TECTB: variants seen among roughly 807,000 people sequenced by gnomAD.
TECTB encodes the protein beta-tectorin.
Under a neutral mutation model 43.3 loss-of-function variants are expected in TECTB, and 45 were observed. The ratio of observed to expected loss-of-function variants is 1.04; its 90% CI spans 0.82 to 1.33. TECTB has a LOEUF of 1.33. Ranked by LOEUF, TECTB falls within the 40% of genes most tolerant of loss-of-function variation. The probability of loss-of-function intolerance (pLI) is 0.00; values close to 1 mark genes in which losing one functional copy is unlikely to be tolerated. For synonymous variants in TECTB, 169 were observed against 156.7 expected, an observed-to-expected ratio of 1.08 and a Z score of -0.59; for missense variants, 399 against 404.7, an observed-to-expected ratio of 0.99 and a Z score of 0.12.
rs758078348 is a variant in TECTB, at chr10:112,286,224, G to A, written c.410+11G>A. The A allele has an allele frequency of 6.8e-6, 11 of 1,614,140 alleles. No homozygotes were observed. In the East Asian group the frequency reaches 2.5e-4, roughly 36 times the overall value. ...TGCCTTTGACCAGAGGTAAGTTGCTGTGCGGCATGGAGGGCTGGCTGCCTC... is the reference window on the plus strand; with the variant it reads ...TGCCTTTGACCAGAGGTAAGTTGCTATGCGGCATGGAGGGCTGGCTGCCTC... On this transcript the variant is annotated intron_variant, in intron 4 of 10. Coordinates refer to ENST00000646139, the MANE Select transcript of TECTB (RefSeq NM_058222.3).
intron 9 of TECTB, among the ~76,000 whole-genome samples, chr10:112,300,173 A>G (rs1423716313): frequency 2.0e-5 from 3 of 150,672 alleles, no homozygotes; most frequent in East Asian, 1.9e-4. Context: ...AAAAAAAAAA[A>G]AAAGAAAGAA....
chr10:112,300,278 GA>G (rs35657665), intron 9 of TECTB, among the ~76,000 whole-genome samples: 7,611 of 29,294 alleles, frequency 0.26, 349 homozygotes, highest in East Asian at 0.39. Context: ...AAGAAAGAAA[GA>G]AAAGAAAGAA....
chr10:112,295,370 T>C (rs1848536599), intron 7 of TECTB, among the ~76,000 whole-genome samples: 1 of 152,218 alleles, frequency 6.6e-6, no homozygotes, highest in African/African-American at 2.4e-5. Flanking sequence ...TAAATGTCAT[T>C]AAACCCTCTC....
At chr10:112,303,160 T>C in intron 10 of TECTB, 103 bp from the exon 11 acceptor site, 1 of 1,368,906 alleles carries the variant, frequency 7.3e-7, no homozygotes, top group Middle Eastern at 1.8e-4. Context: ...GTCTAAAATG[T>C]GTGGAATTTT....
chr10:112,287,710 G>A (rs1310165718), intron 5 of TECTB, among the ~76,000 whole-genome samples: 2 of 152,186 alleles, frequency 1.3e-5, no homozygotes, highest in Non-Finnish European at 2.9e-5. Context: ...GGATTAGCCT[G>A]AGAGCCCACA....
At chr10:112,295,365 G>C (rs1848536529) in intron 7 of TECTB, among the ~76,000 whole-genome samples, 1 of 152,120 alleles carries the variant, frequency 6.6e-6, no homozygotes, top group Non-Finnish European at 1.5e-5. Flanking sequence ...TTATCTAAAT[G>C]TCATTAAACC....
At chr10:112,298,256 CAAT>C (rs1341053545) in intron 8 of TECTB, 25 bp downstream of exon 8, 1 of 1,602,732 alleles carries the variant, frequency 6.2e-7, no homozygotes, top group East Asian at 2.2e-5. Context: ...TCCAGAAGGA[CAAT>C]GTTACCTAAA....
In TECTB at chr10:112,294,069, C is replaced by T. The variant is rs1466122943; in HGVS notation, c.671+8C>T. ...GCAGCTGATCAACAAGGGGTAGGTA[C>T]ACTATCTAGAGACAGGGCTGAACAG... On this transcript the variant is annotated splice_region_variant and intron_variant, in intron 7 of 10. Transcript: ENST00000646139. 1 of 1,612,806 alleles carries T rather than the reference C, an allele frequency of 6.2e-7. No individual in the cohort carries two copies. Among genetic ancestry groups the T allele is most frequent in the African/African-American group, 1.3e-5 (1 of 74,886 alleles).
intron 5 of TECTB, among the ~76,000 whole-genome samples, chr10:112,290,145 ACT>A (rs1262006310): frequency 6.6e-6 from 1 of 152,134 alleles, no homozygotes; most frequent in African/African-American, 2.4e-5. Flanking sequence ...TGCACCGCTC[ACT>A]CTGTACTTCC....
In TECTB at chr10:112,297,491, T is replaced by G. The variant is rs552945917; in HGVS notation, c.672-578T>G. ...TTTTATCCCTTTGTATCAGCCTGTG[T>G]TAACATTTAGACGGTATCCTTCAGT... On this transcript the variant is annotated intron_variant, in intron 7 of 10. Coordinates refer to ENST00000646139, the MANE Select transcript of TECTB (RefSeq NM_058222.3). 5.3e-5 allele frequency among the ~76,000 whole-genome samples: 8 copies of G among 152,314 alleles called. 1 individual carries two copies. The South Asian group carries it at 1.7e-3, about 32-fold the overall frequency.
At position 112,303,264 on chromosome 10, in the gene TECTB, T is replaced by C; in HGVS notation, c.942T>C (p.Asp314=). 1.9e-6 allele frequency: 3 copies of C among 1,614,178 alleles called. No homozygotes were observed. Among genetic ancestry groups the C allele is most frequent in the Non-Finnish European group, 1.7e-6 (2 of 1,180,016 alleles). Residue 314 remains aspartate, a splice_region_variant and synonymous_variant, in exon 11 of 11, where the codon GAT becomes GAC. Coordinates refer to ENST00000646139, the MANE Select transcript of TECTB (RefSeq NM_058222.3). ...RGFSSLYSFS[D]VLHHLIMMLG... is the part of the protein sequence containing the mutation. ...TCTCCCTCCCCTTCTGGTCCACAGA[T>C]GTTCTCCACCACCTCATCATGATGT...
At chr10:112,300,235 A>G (rs1265788603) in intron 9 of TECTB, among the ~76,000 whole-genome samples, 1 of 24,496 alleles carries the variant, frequency 4.1e-5, no homozygotes, top group African/African-American at 1.4e-4. Flanking sequence ...AGAAATAAAG[A>G]AAGAAAGAAA....
At chr10:112,292,948 T>C (rs1453344050) in intron 5 of TECTB, among the ~76,000 whole-genome samples, 1 of 152,122 alleles carries the variant, frequency 6.6e-6, no homozygotes, top group African/African-American at 2.4e-5. Flanking sequence ...CCTCACTTCC[T>C]CCAAATCTTG....
chr10:112,292,833 G>A (rs1848510515), intron 5 of TECTB, among the ~76,000 whole-genome samples: 1 of 150,220 alleles, frequency 6.7e-6, no homozygotes, highest in Non-Finnish European at 1.5e-5. Flanking sequence ...TCACTTACTT[G>A]CTCCAGCCAC....
At position 112,295,331 on chromosome 10, in the gene TECTB, G is replaced by A. The variant is rs186881106; in HGVS notation, c.671+1270G>A. Among the ~76,000 whole-genome samples, 3 of 152,282 alleles carry A rather than the reference G, an allele frequency of 2.0e-5. No individual in the cohort carries two copies. In the East Asian group the frequency reaches 5.8e-4, roughly 29 times the overall value. ...TTACAATATACCAAACATTGTTCTA[G>A]ATAGGTGTTTTACAAATATTAATTT... On this transcript the variant is annotated intron_variant, in intron 7 of 10. Transcript: ENST00000646139.
At chr10:112,293,582 G>C (rs1427625068) in intron 5 of TECTB, among the ~76,000 whole-genome samples, 156 bp from the exon 6 acceptor site, 1 of 152,122 alleles carries the variant, frequency 6.6e-6, no homozygotes, top group African/African-American at 2.4e-5. Flanking sequence ...TTAAGACTTA[G>C]AATTTCTCTG....
chr10:112,292,135 CAAAA>C (rs1218997579), intron 5 of TECTB, among the ~76,000 whole-genome samples: 1 of 109,934 alleles, frequency 9.1e-6, no homozygotes. Flanking sequence ...GACTCCATCT[CAAAA>C]AAAAAAAAAA....
Position 112,283,516 on chromosome 10 carries a change from C to T in TECTB, c.-88+20C>T. The T allele has an allele frequency of 3.7e-6, 2 of 535,836 alleles. No homozygotes were observed. Among genetic ancestry groups the T allele is most frequent in the African/African-American group, 1.9e-5 (1 of 51,646 alleles). The allele number at this position is 535,836 out of a possible 1,614,324, so 33.2% of individuals were successfully genotyped here. On this transcript the variant is annotated intron_variant, in intron 1 of 10. Transcript: ENST00000646139. ...CCAACGGTATGAGCCCCACTTTTTG[C>T]CTCTCAGCGCTAACAGGAAACAATT...
intron 5 of TECTB, among the ~76,000 whole-genome samples, chr10:112,290,172 T>A (rs1848486180): frequency 6.6e-6 from 1 of 152,196 alleles, no homozygotes; most frequent in South Asian, 2.1e-4. Flanking sequence ...ATATAAATCA[T>A]CCCCTTGTCC....
Sources: gnomAD v4.1 joint callset for allele counts (sites outside exome capture counted in the v4.1 genomes callset) on GRCh38, gnomAD v4.1.1 for gene constraint, MANE v1.5 for transcripts, NCBI Gene and HGNC (gene_info 2026-07-23, HGNC 2026-07-21) for gene names.